UGT2A1: variants seen among roughly 807,000 people sequenced by gnomAD.
The protein encoded by UGT2A1 is UDP glucuronosyltransferase family 2 member A1 complex locus.
UGT2A1 carries 61 observed loss-of-function variants against 45.4 expected under a neutral mutation model. The ratio of observed to expected loss-of-function variants is 1.34; its 90% CI spans 1.09 to 1.66. UGT2A1 has a LOEUF of 1.66. UGT2A1 is among the 40% of genes most tolerant of loss of function. The probability of loss-of-function intolerance (pLI) is 0.00; values close to 1 mark genes in which losing one functional copy is unlikely to be tolerated. For synonymous variants in UGT2A1, 229 were observed against 196.2 expected, an observed-to-expected ratio of 1.17 and a Z score of -1.40; for missense variants, 649 against 574.3, an observed-to-expected ratio of 1.13 and a Z score of -1.33.
chr4:69,634,099 GC>G (rs1721537307), intron 3 of UGT2A1, among the ~76,000 whole-genome samples: 1 of 151,962 alleles, frequency 6.6e-6, no homozygotes, highest in Non-Finnish European at 1.5e-5. Context: ...CAAAAAATTA[GC>G]CGGGCTTGGT....
chr4:69,646,595 T>G (rs2109978610), intron 2 of UGT2A1, among the ~76,000 whole-genome samples: 1 of 151,926 alleles, frequency 6.6e-6, no homozygotes. Flanking sequence ...TTTTCCGGCT[T>G]TCTCCACACA....
At position 69,589,625 on chromosome 4, in the gene UGT2A1, G is replaced by C. The variant is rs1351115968; in HGVS notation, c.1331C>G (p.Ser444Ter). The C allele has an allele frequency of 1.9e-6, 3 of 1,613,816 alleles. No individual in the cohort carries two copies. In the East Asian group the frequency reaches 6.7e-5, roughly 36 times the overall value. Residue 444 changes from serine (S) to a stop codon, truncating the protein, a stop_gained, in exon 7 of 7, where the codon TCA (serine) becomes TGA (stop). Coordinates refer to ENST00000286604, the MANE Select transcript of UGT2A1 (RefSeq NM_001252275.3). LOFTEE classifies it high-confidence loss of function. ...PSYKENAMRL[S>*]RIHHDQPVKP... Reference sequence around the variant, plus strand: ...TACAGGTTGATCATGGTGAATTCTTGATAACCTCATAGCATTCTCTTTATA... The same window carrying C: ...TACAGGTTGATCATGGTGAATTCTTCATAACCTCATAGCATTCTCTTTATA...
chr4:69,608,950 C>CT (rs1163482787), intron 3 of UGT2A1, among the ~76,000 whole-genome samples: 1 of 151,942 alleles, frequency 6.6e-6, no homozygotes, highest in African/African-American at 2.4e-5. Flanking sequence ...CATAAAAATC[C>CT]TTTTTTTAAT....
intron 3 of UGT2A1, among the ~76,000 whole-genome samples, chr4:69,628,312 T>C (rs1721205171): frequency 6.6e-6 from 1 of 151,812 alleles, no homozygotes. Context: ...AGCAACTTTG[T>C]GCAAGAAGAG....
intron 3 of UGT2A1, among the ~76,000 whole-genome samples, chr4:69,632,688 G>A (rs893224360): frequency 4.6e-5 from 7 of 152,010 alleles, no homozygotes; most frequent in African/African-American, 1.4e-4. Flanking sequence ...AAGAGTTTGA[G>A]ACCTGCCTGG....
At chr4:69,596,063 C>T (rs1718903036) in intron 4 of UGT2A1, among the ~76,000 whole-genome samples, 1 of 152,132 alleles carries the variant, frequency 6.6e-6, no homozygotes. Flanking sequence ...TGCCAAGGCT[C>T]AGTAGGCAAA....
At chr4:69,651,914 A>G (rs989940222) in intron 1 of UGT2A1, among the ~76,000 whole-genome samples, 1 of 152,224 alleles carries the variant, frequency 6.6e-6, no homozygotes, top group Non-Finnish European at 1.5e-5. Context: ...CCCTAAGGGA[A>G]GAATCATGGA....
At chr4:69,644,299 C>G (rs554951948) in intron 2 of UGT2A1, among the ~76,000 whole-genome samples, 4 of 151,752 alleles carry the variant, frequency 2.6e-5, no homozygotes, top group Admixed American at 2.6e-4. Context: ...TAGTGGATAA[C>G]TTCACAAATA....
intron 3 of UGT2A1, among the ~76,000 whole-genome samples, chr4:69,609,154 G>GTT (rs1319117212): frequency 1.1e-4 from 7 of 61,976 alleles, no homozygotes; most frequent in African/African-American, 2.7e-4. Context: ...GAATATATAA[G>GTT]ATTTTTTTTT....
intron 2 of UGT2A1, among the ~76,000 whole-genome samples, chr4:69,636,459 A>T (rs1275842780): frequency 6.6e-6 from 1 of 152,182 alleles, no homozygotes; most frequent in African/African-American, 2.4e-5. Flanking sequence ...GTTCAGTAAC[A>T]TGAGAAGCAT....
intron 2 of UGT2A1, among the ~76,000 whole-genome samples, chr4:69,641,748 T>A (rs540887713): frequency 1.3e-5 from 2 of 151,990 alleles, no homozygotes; most frequent in Admixed American, 1.3e-4. Context: ...CTAGGCAAGT[T>A]ACTTAGCCTC....
At chr4:69,607,218 G>GCATGGTACTGGTACC (rs1553904403) in intron 3 of UGT2A1, among the ~76,000 whole-genome samples, 15 of 150,156 alleles carry the variant, frequency 1.0e-4, no homozygotes, top group African/African-American at 1.5e-4. Flanking sequence ...TACCAAAACA[G>GCATGGTACTGGTACC]AGATAAAGAC....
At chr4:69,596,849 G>A (rs556474165) in intron 4 of UGT2A1, among the ~76,000 whole-genome samples, 22 of 152,136 alleles carry the variant, frequency 1.4e-4, no homozygotes, top group Non-Finnish European at 2.5e-4. Flanking sequence ...GAGGAAACAC[G>A]TCTCTGAAAT....
chr4:69,617,413 A>AAT (rs1720465593), intron 3 of UGT2A1, among the ~76,000 whole-genome samples: 1 of 151,936 alleles, frequency 6.6e-6, no homozygotes, highest in Non-Finnish European at 1.5e-5. Flanking sequence ...ACAAAGATAT[A>AAT]ATATATATGT....
At position 69,588,823 on chromosome 4, in the gene UGT2A1, T is replaced by C. The variant is rs1050369386; in HGVS notation, c.*549A>G. 2.0e-5 allele frequency: 3 copies of C among 152,170 alleles called. No individual in the cohort carries two copies. The highest frequency in any genetic ancestry group is 7.2e-5 in the African/African-American group (3 of 41,440). 9.4% of individuals were successfully genotyped at this position (152,170 alleles called of 1,614,324 possible). On this transcript the variant is annotated 3_prime_UTR_variant, in exon 7 of 7. Coordinates refer to ENST00000286604, the MANE Select transcript of UGT2A1 (RefSeq NM_001252275.3). Reference sequence around the variant, plus strand: ...CATTTAATAGGGACGCACGTCACACTTAAAATTCATTCTCTAACTCCTGAA... The same window carrying C: ...CATTTAATAGGGACGCACGTCACACCTAAAATTCATTCTCTAACTCCTGAA...
At chr4:69,590,972 A>G (rs140832562) in intron 6 of UGT2A1, among the ~76,000 whole-genome samples, 1 of 152,334 alleles carries the variant, frequency 6.6e-6, no homozygotes, top group African/African-American at 2.4e-5. Flanking sequence ...GAGTACAAAC[A>G]CATCCATATA....
Position 69,595,198 on chromosome 4 carries a change from G to A in UGT2A1, c.1048C>T (p.Gln350Ter), listed in dbSNP as rs1163322219. The A allele has an allele frequency of 3.1e-6, 5 of 1,613,718 alleles. No homozygotes were observed. Among genetic ancestry groups the A allele is most frequent in the Non-Finnish European group, 3.4e-6 (4 of 1,179,858 alleles). Residue 350 changes from glutamine (Q) to a stop codon, truncating the protein, a stop_gained, in exon 5 of 7, where the codon CAG becomes TAG. Transcript: ENST00000286604. LOFTEE classifies it high-confidence loss of function. ...TTCTGGGGTATCCAATCAAAGAGCTGAGTATTGTTTCCTAATGTGGCTGGT... is the reference window on the plus strand; with the variant it reads ...TTCTGGGGTATCCAATCAAAGAGCTAAGTATTGTTTCCTAATGTGGCTGGT... ...KKPATLGNNT[Q>*]LFDWIPQNDL...
chr4:69,589,448 A>T lies in UGT2A1; in HGVS notation c.1508T>A (p.Ile503Lys), dbSNP rs1372173430. The change falls in exon 7 of 7, where the codon ATA becomes AAA. Residue 503 changes from isoleucine to lysine, a missense_variant. Transcript: ENST00000286604. ...GFLLVCVTTA[I>K]FLVIQCCLFS... ...CAAACAACATTGTATGACCAAAAAT[A>T]TAGCCGTTGTCACACAGACCAGCAA... 6.2e-7 allele frequency: 1 copy of T among 1,614,178 alleles called. No individual in the cohort carries two copies. The highest frequency in any genetic ancestry group is 2.2e-5 in the East Asian group (1 of 44,884).
intron 1 of UGT2A1, among the ~76,000 whole-genome samples, chr4:69,649,912 G>T (rs1032318711): frequency 1.8e-4 from 28 of 152,016 alleles, no homozygotes; most frequent in African/African-American, 6.5e-4. Flanking sequence ...TCAGGTTAAG[G>T]GCCTGCATGT....
Sources: gnomAD v4.1 joint callset for allele counts (sites outside exome capture counted in the v4.1 genomes callset) on GRCh38, gnomAD v4.1.1 for gene constraint, MANE v1.5 for transcripts, NCBI Gene and HGNC (gene_info 2026-07-23, HGNC 2026-07-21) for gene names.